ZBTB38: variants seen among roughly 807,000 people sequenced by gnomAD.
The protein encoded by ZBTB38 is zinc finger and BTB domain containing 38, also known as zinc finger and BTB domain-containing protein 38.
Under a neutral mutation model 76.8 loss-of-function variants are expected in ZBTB38, and 20 were observed. The ratio of observed to expected loss-of-function variants is 0.26; its 90% CI spans 0.18 to 0.38. The LOEUF is 0.38. ZBTB38 is among the 10% of genes least tolerant of loss of function. The probability of loss-of-function intolerance (pLI) is 1.00; values close to 1 mark genes in which losing one functional copy is unlikely to be tolerated. For synonymous variants in ZBTB38, 504 were observed against 544.2 expected, an observed-to-expected ratio of 0.93 and a Z score of 1.03; for missense variants, 1,082 against 1,482.3, an observed-to-expected ratio of 0.73 and a Z score of 4.43.
intron 1 of ZBTB38, among the ~76,000 whole-genome samples, chr3:141,340,664 G>A (rs1042583151): frequency 5.9e-5 from 9 of 152,042 alleles, no homozygotes; most frequent in Admixed American, 1.3e-4. Context: ...TTGGGAGGCC[G>A]AGGCAGGCGG....
At chr3:141,404,614 A>G (rs1953695290) in intron 5 of ZBTB38, among the ~76,000 whole-genome samples, 5 of 152,102 alleles carry the variant, frequency 3.3e-5, no homozygotes, top group Admixed American at 3.3e-4. Flanking sequence ...AACAACTACC[A>G]TTTGTCGAGC....
intron 1 of ZBTB38, among the ~76,000 whole-genome samples, chr3:141,357,667 C>T (rs1943704037): frequency 6.6e-6 from 1 of 152,086 alleles, no homozygotes; most frequent in Admixed American, 6.5e-5. Context: ...GTAGCTGGGA[C>T]TACAGGCACC....
At chr3:141,412,374 C>G (rs967757406) in intron 5 of ZBTB38, among the ~76,000 whole-genome samples, 6 of 152,092 alleles carry the variant, frequency 3.9e-5, no homozygotes, top group African/African-American at 1.4e-4. Flanking sequence ...GAGCTGAATC[C>G]CTGTGTGAAA....
intron 4 of ZBTB38, chr3:141,402,714 A>C (rs1425008696): frequency 1.3e-5 from 2 of 151,814 alleles, no homozygotes; most frequent in African/African-American, 2.4e-5. Flanking sequence ...GTTCGGCTGG[A>C]GAGTGCGGGC....
At chr3:141,375,310 G>T (rs184068030) in intron 2 of ZBTB38, among the ~76,000 whole-genome samples, 1 of 152,276 alleles carries the variant, frequency 6.6e-6, no homozygotes, top group African/African-American at 2.4e-5. Flanking sequence ...TAATGGCAAA[G>T]GTTGAACTAG....
intron 5 of ZBTB38, chr3:141,434,161 G>A (rs1458326180): frequency 3.6e-5 from 35 of 984,230 alleles, no homozygotes; most frequent in South Asian, 9.4e-5. Context: ...TGTAATGATG[G>A]GAAACCAAAA....
At chr3:141,324,233 G>A (rs1029487675) in exon 1 of ZBTB38, 2 of 152,206 alleles carry the variant, frequency 1.3e-5, no homozygotes, top group Non-Finnish European at 2.9e-5. Context: ...CTCTAGCCAA[G>A]GCCTCGGGCA....
chr3:141,426,268 C>T, intron 5 of ZBTB38: 1 of 1,080,044 alleles, frequency 9.3e-7, no homozygotes, highest in African/African-American at 1.6e-5. Flanking sequence ...CCTGCCCAGA[C>T]CCTGTCTCCC....
intron 4 of ZBTB38, among the ~76,000 whole-genome samples, chr3:141,403,534 T>A (rs1329328351): frequency 6.6e-6 from 1 of 152,268 alleles, no homozygotes; most frequent in African/African-American, 2.4e-5. Context: ...CATTGTTTTA[T>A]GAGACTTTTG....
rs554795919 is a variant in ZBTB38 at position 141,324,985 on chromosome 3, C to A, written c.-739+529C>A. On this transcript the variant is annotated intron_variant, in intron 1 of 7. Coordinates refer to the ZBTB38 transcript ENST00000509842. ...TAGTGATCATATATTAAGATAAATT[C>A]AAAACTCTGTAACATTAACAGCCGT... Among the ~76,000 whole-genome samples the A allele has an allele frequency of 2.6e-3, 400 of 152,300 alleles. 1 individual carries two copies. Among genetic ancestry groups the A allele is most frequent in the African/African-American group, 9.4e-3 (390 of 41,570 alleles).
At chr3:141,410,496 G>A (rs1956271131) in intron 5 of ZBTB38, among the ~76,000 whole-genome samples, 1 of 152,206 alleles carries the variant, frequency 6.6e-6, no homozygotes, top group African/African-American at 2.4e-5. Flanking sequence ...CCTAGGCCCA[G>A]TCTGCCAGAA....
intron 1 of ZBTB38, among the ~76,000 whole-genome samples, chr3:141,359,755 A>C (rs750698368): frequency 4.0e-5 from 6 of 151,694 alleles, no homozygotes; most frequent in Non-Finnish European, 7.4e-5. Flanking sequence ...ACACAGCAAG[A>C]CCTCATCTCT....
Position 141,444,941 on chromosome 3 carries a change from G to A in ZBTB38, c.2553G>A (p.Arg851=), listed in dbSNP as rs1222874868. The A allele has an allele frequency of 6.2e-7, 1 of 1,614,148 alleles. No homozygotes were observed. The stretch of plus-strand genomic sequence containing the variant: ...TTGGAAACGAAGCCATTGTGAAAAG[G>A]CACATTCTAGGATCTAAATTGTTTT... ...VKIGNEAIVK[R]HILGSKLFYK... The change falls in exon 6 of 6, where the codon AGG becomes AGA. Residue 851 remains arginine (R), a synonymous_variant. Coordinates refer to ENST00000321464, the MANE Select transcript of ZBTB38 (RefSeq NM_001376113.1). The surrounding 1 kb of genome is among the most constrained non-coding windows in gnomAD (Gnocchi z 5.1).
intron 1 of ZBTB38, among the ~76,000 whole-genome samples, chr3:141,341,115 A>T (rs1304281490): frequency 6.6e-6 from 1 of 152,214 alleles, no homozygotes; most frequent in Non-Finnish European, 1.5e-5. Context: ...ACCACTTCAC[A>T]TCCTCTATGA....
At chr3:141,348,310 C>A (rs935576892) in intron 1 of ZBTB38, among the ~76,000 whole-genome samples, 7 of 152,102 alleles carry the variant, frequency 4.6e-5, no homozygotes, top group Admixed American at 6.5e-5. Flanking sequence ...GTAGAAATAG[C>A]CCACATCTAT....
intron 4 of ZBTB38, among the ~76,000 whole-genome samples, chr3:141,393,916 AT>A (rs1180546239): frequency 6.6e-6 from 1 of 152,078 alleles, no homozygotes; most frequent in Non-Finnish European, 1.5e-5. Context: ...CACGTTGGCG[AT>A]TGTGAAGCGC....
rs929660487 is a variant in ZBTB38, at chr3:141,448,850, A to T, written c.*2874A>T. On this transcript the variant is annotated 3_prime_UTR_variant, in exon 6 of 6. Transcript: ENST00000321464. ...CGTGGTACCTACTTACATGCTTAGG[A>T]GTCAAATGGATTATGACATTAGGAA... 1.1e-4 allele frequency: 16 copies of T among 152,314 alleles called. No homozygotes were observed. Among genetic ancestry groups the T allele is most frequent in the Admixed American group, 4.6e-4 (7 of 15,292 alleles). The allele number at this position is 152,314 out of a possible 1,614,324, so 9.4% of individuals were successfully genotyped here.
chr3:141,371,789 T>C (rs1268385422), intron 2 of ZBTB38, among the ~76,000 whole-genome samples: 1 of 152,264 alleles, frequency 6.6e-6, no homozygotes, highest in East Asian at 1.9e-4. Context: ...TTGTAAGCTC[T>C]GTTTGGAGAA....
At chr3:141,374,034 G>A (rs1945000343) in intron 2 of ZBTB38, among the ~76,000 whole-genome samples, 1 of 151,954 alleles carries the variant, frequency 6.6e-6, no homozygotes, top group Admixed American at 6.6e-5. Flanking sequence ...GGAGGCTGAG[G>A]TATGAGAATT....
Sources: allele counts gnomAD v4.1 joint callset (sites outside exome capture counted in the v4.1 genomes callset), GRCh38; gene constraint gnomAD v4.1.1; non-coding constraint Gnocchi (gnomAD v3.1); transcripts MANE v1.5; gene names NCBI Gene and HGNC (gene_info 2026-07-23, HGNC 2026-07-21).